ASAP2: variants seen among roughly 807,000 people sequenced by gnomAD.
The protein encoded by ASAP2 is arf-GAP with SH3 domain, ANK repeat and PH domain-containing protein 2.
A neutral mutation model predicts 131.4 loss-of-function variants in ASAP2; 45 were observed. The observed-to-expected ratio is 0.34, with a 90% confidence interval of 0.27 to 0.44. The LOEUF is 0.44. Ranked by LOEUF, ASAP2 falls within the 20% of genes least tolerant of loss-of-function variation. The pLI is 1.00. For missense variants in ASAP2, 1,011 were observed against 1,297.0 expected, an observed-to-expected ratio of 0.78 and a Z score of 3.39; for synonymous variants, 510 against 503.0, an observed-to-expected ratio of 1.01 and a Z score of -0.19.
chr2:9,217,315 CTT>C lies in ASAP2; in HGVS notation c.126+10086_126+10087del, dbSNP rs1291137031. On this transcript the variant is annotated intron_variant, in intron 1 of 27. Transcript: ENST00000281419. The surrounding 1 kb of genome is among the most constrained non-coding windows in gnomAD (Gnocchi z 4.0). ...TGTCCTCCTTGCTGCAGAAATTGTT[CTT>C]CTTTCCTCTCCTCACTGCTCTGCTG... is the stretch of plus-strand genomic sequence containing the variant. Among the ~76,000 whole-genome samples the C allele has an allele frequency of 6.6e-6, 1 of 152,206 alleles. No homozygotes were observed. Among genetic ancestry groups the C allele is most frequent in the Non-Finnish European group, 1.5e-5 (1 of 68,034 alleles).
At chr2:9,235,453 ATGT>A (rs973710697) in intron 1 of ASAP2, among the ~76,000 whole-genome samples, 2 of 152,084 alleles carry the variant, frequency 1.3e-5, no homozygotes, top group African/African-American at 4.8e-5. Context: ...CAGAGTTCAG[ATGT>A]TGTTCATTCC....
chr2:9,295,286 G>A (rs1341751234), intron 2 of ASAP2, among the ~76,000 whole-genome samples: 1 of 152,172 alleles, frequency 6.6e-6, no homozygotes, highest in Non-Finnish European at 1.5e-5. Context: ...TGTTTCCTTG[G>A]ATGAATTATT....
intron 1 of ASAP2, among the ~76,000 whole-genome samples, chr2:9,273,399 T>C (rs1225563537): frequency 6.6e-6 from 1 of 152,264 alleles, no homozygotes; most frequent in Non-Finnish European, 1.5e-5. Flanking sequence ...TTTTGTATCC[T>C]GCAACTTTAC....
chr2:9,311,265 G>A lies in ASAP2; in HGVS notation c.346-7259G>A, dbSNP rs1669276351. On this transcript the variant is annotated intron_variant, in intron 3 of 27. Transcript: ENST00000281419. This position sits in a 1 kb window ranked among gnomAD's most constrained non-coding sequence, Gnocchi z 5.2. ...ATAAAAAAATTAGCCAGGCATGGTG[G>A]CTCATGCCTGTGGTCCCAGCTACTC... is the stretch of plus-strand genomic sequence containing the variant. Among the ~76,000 whole-genome samples, 6 of 151,956 alleles carry A rather than the reference G, an allele frequency of 3.9e-5. No individual in the cohort carries two copies. The South Asian group carries it at 1.2e-3, about 32-fold the overall frequency.
chr2:9,374,820 C>T lies in ASAP2; in HGVS notation c.1622C>T (p.Ala541Val), dbSNP rs188552630. 1.1e-4 allele frequency: 183 copies of T among 1,613,894 alleles called. 2 individuals are homozygous for T. The Admixed American group carries it at 2.9e-3, about 25-fold the overall frequency. ...AGGAGATACGCAAGGAAGAAGCACG[C>T]GGATAACGCGGCGAAGCTTCACAGT... ...IERRYARKKH[A>V]DNAAKLHSLC... is the part of the protein sequence containing the mutation. Residue 541 changes from alanine to valine, a missense_variant, in exon 17 of 28, where the codon GCG becomes GTG. Ala to Val is a moderately conservative substitution (Grantham distance 64, BLOSUM62 0). This residue lies in a region of ASAP2 where 652 missense variants were observed against 698.9 expected (regional missense o/e 0.93). Transcript: ENST00000281419.
chr2:9,338,791 G>C (rs1671393151), intron 9 of ASAP2, among the ~76,000 whole-genome samples: 1 of 152,228 alleles, frequency 6.6e-6, no homozygotes, highest in South Asian at 2.1e-4. Flanking sequence ...TCAGCTCCAG[G>C]AAGCAGTGTC....
chr2:9,369,249 C>T (rs1673743732), intron 16 of ASAP2, among the ~76,000 whole-genome samples: 1 of 152,202 alleles, frequency 6.6e-6, no homozygotes, highest in Admixed American at 6.5e-5. Context: ...GAACTCCTGA[C>T]CTCAGGTGAT....
intron 1 of ASAP2, among the ~76,000 whole-genome samples, chr2:9,270,943 C>T (rs2148259440): frequency 6.6e-6 from 1 of 151,764 alleles, no homozygotes; most frequent in African/African-American, 2.4e-5. Flanking sequence ...CAGGTGCCCG[C>T]CACTACGCCC....
chr2:9,221,774 A>G (rs1662435863), intron 1 of ASAP2, among the ~76,000 whole-genome samples: 3 of 151,998 alleles, frequency 2.0e-5, no homozygotes, highest in African/African-American at 7.2e-5. Flanking sequence ...TTATTCTTTA[A>G]TAAGCTGAGC....
At chr2:9,383,208 T>C (rs967988066) in intron 20 of ASAP2, among the ~76,000 whole-genome samples, 10 of 151,980 alleles carry the variant, frequency 6.6e-5, no homozygotes, top group African/African-American at 2.4e-4. Flanking sequence ...TCTTAGGATA[T>C]GTTATCTATA....
chr2:9,283,947 ATTAGGGCT>A (rs1667298852), intron 2 of ASAP2, among the ~76,000 whole-genome samples: 1 of 152,134 alleles, frequency 6.6e-6, no homozygotes, highest in African/African-American at 2.4e-5. Flanking sequence ...TGCCTTGGGG[ATTAGGGCT>A]TTAATATATG....
intron 3 of ASAP2, among the ~76,000 whole-genome samples, chr2:9,298,497 G>A (rs1172615413): frequency 6.6e-6 from 1 of 152,216 alleles, no homozygotes; most frequent in Non-Finnish European, 1.5e-5. Flanking sequence ...TTCACTTAGA[G>A]GAATTTGAAA....
chr2:9,227,588 C>T (rs150485587), intron 1 of ASAP2, among the ~76,000 whole-genome samples: 2 of 152,280 alleles, frequency 1.3e-5, no homozygotes, highest in Admixed American at 6.5e-5. Flanking sequence ...AGAGGTTTAA[C>T]GGCTCTGTAA....
intron 1 of ASAP2, among the ~76,000 whole-genome samples, chr2:9,243,692 C>T (rs2148092384): frequency 6.6e-6 from 1 of 152,242 alleles, no homozygotes; most frequent in Non-Finnish European, 1.5e-5. Flanking sequence ...TAAGTTGAGG[C>T]AGAATGCATG....
intron 1 of ASAP2, among the ~76,000 whole-genome samples, chr2:9,251,272 G>A (rs1381713956): frequency 2.0e-5 from 3 of 152,188 alleles, no homozygotes; most frequent in Admixed American, 6.5e-5. Flanking sequence ...CAGAGAAGGG[G>A]ACTGAGGTTG....
intron 1 of ASAP2, among the ~76,000 whole-genome samples, chr2:9,226,910 TCTC>T (rs1266566991): frequency 1.3e-5 from 2 of 152,036 alleles, no homozygotes; most frequent in African/African-American, 4.8e-5. Flanking sequence ...GGCATTCCCT[TCTC>T]CTGCATGCTG....
intron 1 of ASAP2, among the ~76,000 whole-genome samples, chr2:9,244,302 A>G (rs1389625840): frequency 6.6e-6 from 1 of 152,246 alleles, no homozygotes; most frequent in Non-Finnish European, 1.5e-5. Flanking sequence ...TCTCAAAACA[A>G]CAACAATAAA....
At chr2:9,340,093 G>A (rs1671479486) in intron 9 of ASAP2, among the ~76,000 whole-genome samples, 1 of 152,156 alleles carries the variant, frequency 6.6e-6, no homozygotes, top group African/African-American at 2.4e-5. Context: ...TGCAATCTTG[G>A]CTCACTGTAA....
intron 1 of ASAP2, among the ~76,000 whole-genome samples, chr2:9,274,389 C>G (rs767114971): frequency 1.1e-4 from 14 of 129,804 alleles, no homozygotes; most frequent in Admixed American, 3.7e-4. Context: ...GTGGTGTGAT[C>G]TCCGCTCACT....
Sources: gnomAD v4.1 joint callset for allele counts (sites outside exome capture counted in the v4.1 genomes callset) on GRCh38, gnomAD v4.1.1 for gene constraint, gnomAD v4.1.1 regional missense constraint, Gnocchi (gnomAD v3.1) non-coding constraint, MANE v1.5 for transcripts, NCBI Gene and HGNC (gene_info 2026-07-23, HGNC 2026-07-21) for gene names.